Variants in PDGFD observed in about 807,000 individuals in gnomAD.
The protein encoded by PDGFD is platelet derived growth factor D.
PDGFD carries 30 observed loss-of-function variants against 44.7 expected under a neutral mutation model. The ratio of observed to expected loss-of-function variants is 0.67; its 90% confidence interval spans 0.50 to 0.91. The LOEUF (loss-of-function observed/expected upper bound fraction) is 0.91, where lower values mean the gene tolerates loss of function less well. PDGFD is among the 40% of genes least tolerant of loss of function. PDGFD has a pLI of 0.00. For synonymous variants in PDGFD, 173 were observed against 168.4 expected (o/e 1.03, Z -0.21); for missense variants, 445 against 457.8 (o/e 0.97, Z 0.25).
chr11:103,994,619 C>T (rs1022824681), intron 3 of PDGFD, among the ~76,000 whole-genome samples: 49 of 151,554 alleles, frequency 3.2e-4, no homozygotes, highest in African/African-American at 1.2e-3. Context: ...AACTTTAATT[C>T]TTAAGATAAA....
chr11:103,992,002 T>G (rs1242771659), intron 3 of PDGFD, among the ~76,000 whole-genome samples: 2 of 152,194 alleles, frequency 1.3e-5, no homozygotes, highest in Non-Finnish European at 2.9e-5. Context: ...TCAGAAAGAT[T>G]CCTAACCATC....
intron 1 of PDGFD, chr11:104,037,273 C>A (rs1201544882): frequency 6.2e-7 from 1 of 1,613,426 alleles, no homozygotes; most frequent in Non-Finnish European, 8.5e-7. Context: ...CAGCATGCTG[C>A]TCTCCAACCC....
intron 1 of PDGFD, among the ~76,000 whole-genome samples, chr11:104,086,660 T>C (rs949128204): frequency 6.6e-6 from 1 of 152,236 alleles, no homozygotes; most frequent in Non-Finnish European, 1.5e-5. Flanking sequence ...ATATTAACTT[T>C]AGATAAACGT....
At chr11:103,924,228 A>T (rs1459868698) in intron 6 of PDGFD, among the ~76,000 whole-genome samples, 1 of 152,234 alleles carries the variant, frequency 6.6e-6, no homozygotes, top group African/African-American at 2.4e-5. Context: ...CCACAAATAC[A>T]TCAAAGTCCT....
At chr11:103,994,343 C>T (rs2134361746) in intron 3 of PDGFD, among the ~76,000 whole-genome samples, 2 of 152,300 alleles carry the variant, frequency 1.3e-5, no homozygotes, top group South Asian at 4.1e-4. Flanking sequence ...ACAGATGCAT[C>T]ACTGAACACA....
At chr11:104,053,848 C>T (rs361315) in intron 1 of PDGFD, among the ~76,000 whole-genome samples, 57,947 of 151,988 alleles carry the variant, frequency 0.38, 11,308 homozygotes, top group East Asian at 0.57. Context: ...ACTGAGTCTT[C>T]CGAATTTCAG....
chr11:104,104,472 C>A (rs1463821717), intron 1 of PDGFD, among the ~76,000 whole-genome samples: 1 of 152,052 alleles, frequency 6.6e-6, no homozygotes, highest in Non-Finnish European at 1.5e-5. Context: ...CAGGGGTAAC[C>A]ACTGTATATC....
chr11:103,912,925 A>G (rs1320947952), intron 6 of PDGFD, among the ~76,000 whole-genome samples: 1 of 152,220 alleles, frequency 6.6e-6, no homozygotes, highest in African/African-American at 2.4e-5. Flanking sequence ...TGGAACAAGA[A>G]GAGCTAACTA....
chr11:104,127,717 G>C (rs1260936997), intron 1 of PDGFD, among the ~76,000 whole-genome samples: 1 of 151,950 alleles, frequency 6.6e-6, no homozygotes, highest in African/African-American at 2.4e-5. Context: ...GTGTGTGCAT[G>C]TGTGTGTGTG....
At position 104,050,255 on chromosome 11, in the gene PDGFD, A is replaced by G. The variant is rs114923586; in HGVS notation, c.125-50000T>C. On this transcript the variant is annotated intron_variant, in intron 1 of 6. Transcript: ENST00000393158. ...AGCGCACGTGGGTGTAAATGCAGGT[A>G]CACTGCAAGACTGACGGTGTGAAGA... is the stretch of plus-strand genomic sequence containing the variant. Among the ~76,000 whole-genome samples, 691 of 152,254 alleles carry G rather than the reference A, an allele frequency of 4.5e-3. 8 individuals are homozygous for G. The highest frequency in any genetic ancestry group is 0.016 in the African/African-American group (658 of 41,548).
rs765909253 is a variant in PDGFD at position 103,927,047 on chromosome 11, C to G, written c.852G>C (p.Glu284Asp). The G allele has an allele frequency of 1.9e-6, 3 of 1,614,112 alleles. No homozygotes were observed. Among genetic ancestry groups the G allele is most frequent in the Admixed American group, 3.3e-5 (2 of 60,012 alleles). Residue 284 changes from glutamate (E) to aspartate (D), a missense_variant, in exon 6 of 7, where the codon GAG becomes GAC. By Grantham distance (45) the Glu-to-Asp change is conservative. Coordinates refer to ENST00000393158, the MANE Select transcript of PDGFD (RefSeq NM_025208.5). ...PRNYSVNIRE[E>D]LKLANVVFFP... ...AGAAGACCACATTGGCCAACTTCAG[C>G]TCTTCTCTTATATTGACCGAGTAAT...
intron 1 of PDGFD, chr11:104,037,227 C>A (rs754282775): frequency 3.7e-6 from 6 of 1,613,720 alleles, no homozygotes; most frequent in Admixed American, 1.7e-5. Context: ...AGAAGGTGGC[C>A]GGCCTGCAAG....
intron 1 of PDGFD, among the ~76,000 whole-genome samples, chr11:104,107,374 A>G (rs1237683239): frequency 6.6e-6 from 1 of 152,136 alleles, no homozygotes; most frequent in Non-Finnish European, 1.5e-5. Context: ...CTGTAACCAC[A>G]AAGAACTGAA....
At chr11:104,035,859 C>T (rs1391973705) in intron 1 of PDGFD, among the ~76,000 whole-genome samples, 1 of 152,134 alleles carries the variant, frequency 6.6e-6, no homozygotes, top group African/African-American at 2.4e-5. Flanking sequence ...AGCTTGTCTC[C>T]TCCTTAGGAA....
intron 1 of PDGFD, among the ~76,000 whole-genome samples, chr11:104,084,116 C>T (rs1169226198): frequency 1.3e-5 from 2 of 152,200 alleles, no homozygotes; most frequent in Admixed American, 6.6e-5. Context: ...GCTCTTGCAA[C>T]ATCTCAAGTA....
intron 5 of PDGFD, among the ~76,000 whole-genome samples, chr11:103,939,672 C>T (rs1254422020): frequency 6.6e-6 from 1 of 152,036 alleles, no homozygotes; most frequent in Non-Finnish European, 1.5e-5. Flanking sequence ...AAAGAACACC[C>T]ATATAATTTC....
intron 1 of PDGFD, among the ~76,000 whole-genome samples, chr11:104,149,582 A>T (rs972602188): frequency 6.6e-5 from 10 of 152,192 alleles, no homozygotes; most frequent in Admixed American, 5.2e-4. Flanking sequence ...AAACAAGAAC[A>T]AATATGGCAG....
At chr11:103,973,706 C>A (rs932234937) in intron 3 of PDGFD, among the ~76,000 whole-genome samples, 10 of 152,100 alleles carry the variant, frequency 6.6e-5, no homozygotes, top group African/African-American at 2.2e-4. Flanking sequence ...AATTCCAGAA[C>A]CATCATGGAG....
chr11:104,042,141 G>A (rs1860364247), intron 1 of PDGFD, among the ~76,000 whole-genome samples: 1 of 152,188 alleles, frequency 6.6e-6, no homozygotes, highest in Admixed American at 6.5e-5. Context: ...AACAATGCAA[G>A]TCTGGGTTGA....
Sources: allele counts gnomAD v4.1 joint callset (sites outside exome capture counted in the v4.1 genomes callset), GRCh38; gene constraint gnomAD v4.1.1; transcripts MANE v1.5; gene names NCBI Gene and HGNC (gene_info 2026-07-23, HGNC 2026-07-21).